The following TMEM233 variants were observed in gnomAD, a reference collection of about 807,000 sequenced individuals.
The protein encoded by TMEM233 is dispanin subfamily B member 2.
A neutral mutation model predicts 11.2 loss-of-function variants in TMEM233; 6 were observed. The ratio of observed to expected loss-of-function variants is 0.54; its 90% CI spans 0.29 to 1.06. TMEM233 has a LOEUF of 1.06. TMEM233 is among the 50% of genes least tolerant of loss of function. TMEM233 has a pLI of 0.08. For missense variants in TMEM233, 127 were observed against 144.7 expected (o/e 0.88, Z 0.63); for synonymous variants, 59 against 55.8 (o/e 1.06, Z -0.26).
chr12:119,621,044 CTT>C (rs3078447), intron 1 of TMEM233, among the ~76,000 whole-genome samples: 85,319 of 120,274 alleles, frequency 0.71, 29,955 homozygotes, highest in Middle Eastern at 0.8. Context: ...CCATACCTGG[CTT>C]TTTTTTTTTT....
downstream of TMEM233, among the ~76,000 whole-genome samples, chr12:119,645,932 G>A (rs577119202): frequency 6.6e-6 from 1 of 152,206 alleles, no homozygotes; most frequent in Admixed American, 6.5e-5. Context: ...ACTCATAAAA[G>A]GCCAAATTCT....
At chr12:119,652,087 C>T in the TMEM233 span, among the ~76,000 whole-genome samples, 2 of 149,554 alleles carry the variant, frequency 1.3e-5, no homozygotes, top group East Asian at 2.0e-4. Flanking sequence ...ATATCACAAA[C>T]ATCATTGCTG....
chr12:119,612,750 CA>C (rs35540796), intron 1 of TMEM233, among the ~76,000 whole-genome samples: 42,484 of 108,424 alleles, frequency 0.39, 8,178 homozygotes, highest in East Asian at 0.6. Context: ...GACTCCGTCT[CA>C]AAAAAAAAAA....
At chr12:119,650,732 C>T in the TMEM233 span, among the ~76,000 whole-genome samples, 1 of 152,180 alleles carries the variant, frequency 6.6e-6, no homozygotes, top group Non-Finnish European at 1.5e-5. Context: ...AACCTTCACC[C>T]CCCAGATTCA....
At chr12:119,601,150 A>G (rs1954155907) in intron 1 of TMEM233, among the ~76,000 whole-genome samples, 1 of 152,148 alleles carries the variant, frequency 6.6e-6, no homozygotes, top group Non-Finnish European at 1.5e-5. Flanking sequence ...AATTCCCAGA[A>G]CTGAACGCAT....
At chr12:119,625,024 A>G (rs1954722320) in intron 1 of TMEM233, among the ~76,000 whole-genome samples, 1 of 152,130 alleles carries the variant, frequency 6.6e-6, no homozygotes, top group African/African-American at 2.4e-5. Flanking sequence ...GAATTCAGGA[A>G]CTCACCTTGC....
chr12:119,620,661 A>T (rs1038577383), intron 1 of TMEM233, among the ~76,000 whole-genome samples: 5 of 152,206 alleles, frequency 3.3e-5, no homozygotes, highest in Non-Finnish European at 7.3e-5. Context: ...TACAAAGGAA[A>T]GATTGCACCA....
chr12:119,594,329 A>G lies in TMEM233; in HGVS notation c.186+295A>G. 1 of 385,160 alleles carries G rather than the reference A, an allele frequency of 2.6e-6. No homozygotes were observed. The highest frequency in any genetic ancestry group is 4.7e-6 in the Non-Finnish European group (1 of 212,234). 23.9% of individuals were successfully genotyped at this position (385,160 alleles called of 1,614,324 possible). A position where few individuals can be genotyped will look rare whatever the true frequency, so the allele number is the denominator to read the frequency against. ...GTGCGTTTCCTCTCCAACCCGGGGA[A>G]GTTCTTCCGTGGACTTTGCTGACTC... On this transcript the variant is annotated intron_variant, in intron 1 of 2. Transcript: ENST00000426426. This position sits in a 1 kb window ranked among gnomAD's most constrained non-coding sequence, Gnocchi z 5.6.
chr12:119,649,854 TA>T, the TMEM233 span, among the ~76,000 whole-genome samples: 1,466 of 91,296 alleles, frequency 0.016, 34 homozygotes, highest in African/African-American at 0.058. Context: ...GTTTAACTAT[TA>T]AAAAAAAAAA....
At position 119,594,737 on chromosome 12, in the gene TMEM233, G is replaced by T. The variant is rs1390351130; in HGVS notation, c.186+703G>T. On this transcript the variant is annotated intron_variant, in intron 1 of 2. Transcript: ENST00000426426. The surrounding 1 kb of genome is among the most constrained non-coding windows in gnomAD (Gnocchi z 5.6). ...CCCTCCGGCGCCCCCTTTTTAACGC[G>T]CCCGAGGCTGGCTCACACCCACTAC... 6.6e-6 allele frequency among the ~76,000 whole-genome samples: 1 copy of T among 152,012 alleles called. No individual in the cohort carries two copies. The highest frequency in any genetic ancestry group is 1.5e-5 in the Non-Finnish European group (1 of 67,996).
intron 1 of TMEM233, among the ~76,000 whole-genome samples, chr12:119,624,837 G>T (rs1220768936): frequency 6.6e-6 from 1 of 152,090 alleles, no homozygotes; most frequent in Non-Finnish European, 1.5e-5. Context: ...AGATTAAATT[G>T]TAGGCATATT....
Position 119,593,826 on chromosome 12 carries a change from T to C in TMEM233, c.-23T>C. ...ACACAGACCGTGCGCTCCTCCGCCC[T>C]CCCGGCGCCGCCGGCCTCGCCCATG... is the stretch of plus-strand genomic sequence containing the variant. On this transcript the variant is annotated 5_prime_UTR_variant, in exon 1 of 3. Transcript: ENST00000426426. The surrounding 1 kb of genome is among the most constrained non-coding windows in gnomAD (Gnocchi z 4.1). 1 of 1,548,904 alleles carries C rather than the reference T, an allele frequency of 6.5e-7. No homozygotes were observed. The highest frequency in any genetic ancestry group is 1.7e-4 in the Middle Eastern group (1 of 5,974).
intron 1 of TMEM233, among the ~76,000 whole-genome samples, chr12:119,623,664 G>GAAGATTCTGGTACACCCCA (rs1433340506): frequency 6.6e-6 from 1 of 152,122 alleles, no homozygotes; most frequent in Non-Finnish European, 1.5e-5. Flanking sequence ...CAAGGGTAGA[G>GAAGATTCTGGTACACCCCA]AAGATTCTGG....
At position 119,621,919 on chromosome 12, in the gene TMEM233, G is replaced by T. The variant is rs140137981; in HGVS notation, c.187-7817G>T. 6.7e-3 allele frequency among the ~76,000 whole-genome samples: 1,024 copies of T among 152,296 alleles called. 15 individuals carry two copies. The highest frequency in any genetic ancestry group is 0.023 in the African/African-American group (967 of 41,554). On this transcript the variant is annotated intron_variant, in intron 1 of 2. Transcript: ENST00000426426. Reference sequence around the variant, plus strand: ...GCAAAGTTGCCAAGGTCACTGAGTTGTTTTATATTAATCTGTTCCTGGAAA... The same window carrying T: ...GCAAAGTTGCCAAGGTCACTGAGTTTTTTTATATTAATCTGTTCCTGGAAA...
Position 119,593,975 on chromosome 12 carries a change from G to T in TMEM233, c.127G>T (p.Val43Phe). The change falls in exon 1 of 3, where the codon GTC (valine) becomes TTC (phenylalanine). Residue 43 changes from valine (V) to phenylalanine (F), a missense_variant. Physicochemically the swap from Val to Phe is conservative, Grantham distance 50. Transcript: ENST00000426426. The surrounding 1 kb of genome is among the most constrained non-coding windows in gnomAD (Gnocchi z 4.1). Reference protein sequence around the residue: ...MPKNYLWLTIVSCFCPAYPIN... With the variant: ...MPKNYLWLTIFSCFCPAYPIN... ...CAAGAACTACCTGTGGCTCACCATC[G>T]TCTCGTGTTTTTGCCCTGCGTACCC... is the stretch of plus-strand genomic sequence containing the variant. 1 of 1,551,762 alleles carries T rather than the reference G, an allele frequency of 6.4e-7. No homozygotes were observed. Among genetic ancestry groups the T allele is most frequent in the Non-Finnish European group, 8.7e-7 (1 of 1,146,996 alleles).
At position 119,621,518 on chromosome 12, in the gene TMEM233, A is replaced by C. The variant is rs558437662; in HGVS notation, c.187-8218A>C. Among the ~76,000 whole-genome samples the C allele has an allele frequency of 3.6e-3, 536 of 147,132 alleles. 3 individuals carry two copies. The highest frequency in any genetic ancestry group is 0.012 in the African/African-American group (499 of 40,078). On this transcript the variant is annotated intron_variant, in intron 1 of 2. Coordinates refer to ENST00000426426, the MANE Select transcript of TMEM233 (RefSeq NM_001136534.3). ...CTTAGAACAAAGAGAGAAAAAAAAA[A>C]CACAAACTTCTGTGTGTCTGTGCCT...
At chr12:119,616,479 A>C (rs369046472) in intron 1 of TMEM233, among the ~76,000 whole-genome samples, 2 of 152,234 alleles carry the variant, frequency 1.3e-5, no homozygotes, top group South Asian at 4.1e-4. Flanking sequence ...TGGTTGGCTT[A>C]TGAAATTATG....
chr12:119,647,678 T>C (rs547156977), downstream of TMEM233, among the ~76,000 whole-genome samples: 2 of 152,298 alleles, frequency 1.3e-5, no homozygotes, highest in African/African-American at 4.8e-5. Flanking sequence ...CGTAGGTATA[T>C]GTGTGCCATG....
At chr12:119,602,734 T>C (rs1249926938) in intron 1 of TMEM233, among the ~76,000 whole-genome samples, 1 of 152,246 alleles carries the variant, frequency 6.6e-6, no homozygotes, top group African/African-American at 2.4e-5. Flanking sequence ...TATTTCAAGA[T>C]GTAAATCTGT....
Sources: gnomAD v4.1 joint callset for allele counts (sites outside exome capture counted in the v4.1 genomes callset) on GRCh38, gnomAD v4.1.1 for gene constraint, Gnocchi (gnomAD v3.1) non-coding constraint, MANE v1.5 for transcripts, NCBI Gene and HGNC (gene_info 2026-07-23, HGNC 2026-07-21) for gene names.